ACTG2: variants seen among roughly 807,000 people sequenced by gnomAD.
ACTG2 encodes actin, gamma-enteric smooth muscle.
A neutral mutation model predicts 37.6 loss-of-function variants in ACTG2; 16 were observed. That is an observed-to-expected ratio of 0.43 (90% CI 0.29 to 0.65). The LOEUF is 0.65. Ranked by LOEUF, ACTG2 falls within the 30% of genes least tolerant of loss-of-function variation. The probability of loss-of-function intolerance (pLI) is 0.18; values close to 1 mark genes in which losing one functional copy is unlikely to be tolerated. For synonymous variants in ACTG2, 181 were observed against 179.9 expected, an observed-to-expected ratio of 1.01 and a Z score of -0.05; for missense variants, 238 against 490.9, an observed-to-expected ratio of 0.48 and a Z score of 4.87.
chr2:73,904,767 GTGTGTGTGTGTA>G (rs1427294057), intron 3 of ACTG2, among the ~76,000 whole-genome samples: 22 of 88,956 alleles, frequency 2.5e-4, no homozygotes, highest in African/African-American at 7.7e-4. Context: ...GTGTGTGTGT[GTGTGTGTGTGTA>G]TATATATATA....
chr2:73,913,387 A>T, intron 5 of ACTG2, 98 bp from the exon 6 acceptor site: 1 of 1,144,844 alleles, frequency 8.7e-7, no homozygotes, highest in Non-Finnish European at 1.2e-6. Context: ...CTGGTAAAGG[A>T]AAATATGGTA....
At chr2:73,911,569 T>A (rs1680140666) in intron 5 of ACTG2, among the ~76,000 whole-genome samples, 3 of 152,206 alleles carry the variant, frequency 2.0e-5, no homozygotes, top group Non-Finnish European at 4.4e-5. Context: ...TTTTCAAGTA[T>A]GTTGTACATA....
rs1384906941 is a variant in ACTG2, at chr2:73,901,990, A to G, written c.127-370A>G. Among the ~76,000 whole-genome samples the G allele has an allele frequency of 2.0e-5, 3 of 149,392 alleles. No individual in the cohort carries two copies. In the South Asian group the frequency reaches 6.4e-4, roughly 32 times the overall value. ...AAGATTTGGAGATCTAAGCAGGCAC[A>G]GGGGACTTGAGGAGGATGCATACAA... is the stretch of plus-strand genomic sequence containing the variant. On this transcript the variant is annotated intron_variant, in intron 2 of 8. Coordinates refer to ENST00000345517, the MANE Select transcript of ACTG2 (RefSeq NM_001615.4).
intron 5 of ACTG2, among the ~76,000 whole-genome samples, chr2:73,910,733 G>T (rs539663645): frequency 1.3e-5 from 2 of 151,496 alleles, no homozygotes; most frequent in Non-Finnish European, 1.5e-5. Flanking sequence ...AAATTTCCAG[G>T]GCTGACCATT....
intron 6 of ACTG2, 42 bp downstream of exon 6, chr2:73,913,688 A>C (rs1357205884): frequency 1.9e-6 from 3 of 1,554,962 alleles, no homozygotes; most frequent in Non-Finnish European, 2.6e-6. Flanking sequence ...GCTCAGAACC[A>C]ATCTGGTTTA....
At position 73,901,984 on chromosome 2, in the gene ACTG2, A is replaced by T. The variant is rs138357610; in HGVS notation, c.127-376A>T. 4.0e-3 allele frequency among the ~76,000 whole-genome samples: 598 copies of T among 150,094 alleles called. 4 individuals carry two copies. The highest frequency in any genetic ancestry group is 0.014 in the African/African-American group (557 of 40,808). Reference sequence around the variant, plus strand: ...ATAGCAAAGATTTGGAGATCTAAGCAGGCACAGGGGACTTGAGGAGGATGC... The same window carrying T: ...ATAGCAAAGATTTGGAGATCTAAGCTGGCACAGGGGACTTGAGGAGGATGC... On this transcript the variant is annotated intron_variant, in intron 2 of 8. Transcript: ENST00000345517.
intron 1 of ACTG2, among the ~76,000 whole-genome samples, chr2:73,894,217 C>A: frequency 6.6e-6 from 1 of 152,174 alleles, no homozygotes. Context: ...CTTGGAATTC[C>A]TAACAAGCTC....
chr2:73,899,038 C>G (rs1369318289), intron 1 of ACTG2, among the ~76,000 whole-genome samples: 1 of 151,992 alleles, frequency 6.6e-6, no homozygotes, highest in Non-Finnish European at 1.5e-5. Flanking sequence ...TCTTGATCTC[C>G]TGACGTCGTG....
At chr2:73,914,931 G>A in intron 7 of ACTG2, 60 bp downstream of exon 7, 2 of 1,361,324 alleles carry the variant, frequency 1.5e-6, no homozygotes, top group Non-Finnish European at 9.6e-7. Context: ...GAGTGGGTGA[G>A]GTATGGAGAG....
chr2:73,910,444 G>T (rs1486753625), intron 5 of ACTG2, among the ~76,000 whole-genome samples: 1 of 104,730 alleles, frequency 9.5e-6, no homozygotes, highest in African/African-American at 3.7e-5. Context: ...TCGGCTCATT[G>T]CAACCTCTGT....
intron 5 of ACTG2, among the ~76,000 whole-genome samples, chr2:73,911,483 A>C (rs75882226): frequency 4.0e-5 from 6 of 149,618 alleles, no homozygotes; most frequent in African/African-American, 1.5e-4. Flanking sequence ...GGTGACACTC[A>C]AAAAAAAAAT....
chr2:73,916,192 A>G (rs987219176), intron 7 of ACTG2, among the ~76,000 whole-genome samples: 4 of 152,134 alleles, frequency 2.6e-5, no homozygotes, highest in African/African-American at 9.7e-5. Flanking sequence ...CCTGGTCAAC[A>G]TGGTGAAACC....
At chr2:73,919,038 C>T (rs1467993101) in intron 8 of ACTG2, among the ~76,000 whole-genome samples, 1 of 152,218 alleles carries the variant, frequency 6.6e-6, no homozygotes, top group Non-Finnish European at 1.5e-5. Flanking sequence ...GTCCAGCCAG[C>T]TCAGGTCAAG....
rs11689138 is a variant in ACTG2, at chr2:73,910,033, G to A, written c.451+894G>A. ...AGTTCCAGACCAGCCTGGCCAACAC[G>A]GTGAAACCCCGTCTCTACTAAAAAT... On this transcript the variant is annotated intron_variant, in intron 5 of 8. Coordinates refer to ENST00000345517, the MANE Select transcript of ACTG2 (RefSeq NM_001615.4). Among the ~76,000 whole-genome samples the A allele has an allele frequency of 3.5e-3, 539 of 152,090 alleles. 2 individuals carry two copies. Among genetic ancestry groups the A allele is most frequent in the Middle Eastern group, 0.01 (3 of 292 alleles).
At chr2:73,918,447 C>A (rs968010013) in intron 8 of ACTG2, among the ~76,000 whole-genome samples, 7 of 152,176 alleles carry the variant, frequency 4.6e-5, no homozygotes, top group African/African-American at 1.7e-4. Context: ...AAAATAACTT[C>A]TAAAGATCCT....
chr2:73,895,637 G>A (rs1047618070), intron 1 of ACTG2, among the ~76,000 whole-genome samples: 1 of 152,142 alleles, frequency 6.6e-6, no homozygotes, highest in Non-Finnish European at 1.5e-5. Flanking sequence ...AACACTTTCT[G>A]TCAAAATGAA....
chr2:73,908,717 A>G lies in ACTG2; in HGVS notation c.300A>G (p.Glu100=). 7 of 1,613,584 alleles carry G rather than the reference A, an allele frequency of 4.3e-6. No homozygotes were observed. Among genetic ancestry groups the G allele is most frequent in the Non-Finnish European group, 5.1e-6 (6 of 1,179,768 alleles). The change falls in exon 4 of 9, where the codon GAA becomes GAG. Residue 100 remains glutamate, a synonymous_variant. Coordinates refer to ENST00000345517, the MANE Select transcript of ACTG2 (RefSeq NM_001615.4). The part of the protein sequence containing the change: ...SFYNELRVAP[E]EHPTLLTEAP... ...ACAATGAGCTGCGTGTAGCACCTGA[A>G]GAGCACCCCACCCTGCTCACAGAGG...
chr2:73,904,777 G>GTGTATATATATATA (rs1427483105), intron 3 of ACTG2, among the ~76,000 whole-genome samples: 44 of 42,610 alleles, frequency 1.0e-3, no homozygotes, highest in Non-Finnish European at 1.8e-3. Context: ...GTGTGTGTGT[G>GTGTATATATATATA]TATATATATA....
At chr2:73,916,933 T>C (rs1436131003) in intron 8 of ACTG2, among the ~76,000 whole-genome samples, 168 bp downstream of exon 8, 1 of 152,218 alleles carries the variant, frequency 6.6e-6, no homozygotes, top group African/African-American at 2.4e-5. Flanking sequence ...TCCTTGGGCA[T>C]TGATGGGCTG....
Sources: allele counts gnomAD v4.1 joint callset (sites outside exome capture counted in the v4.1 genomes callset), GRCh38; gene constraint gnomAD v4.1.1; transcripts MANE v1.5; gene names NCBI Gene and HGNC (gene_info 2026-07-23, HGNC 2026-07-21).